GRIP1: variants seen among roughly 807,000 people sequenced by gnomAD.
GRIP1 encodes the protein glutamate receptor-interacting protein 1.
A neutral mutation model predicts 129.9 loss-of-function variants in GRIP1; 45 were observed. The observed-to-expected ratio is 0.35, with a 90% CI of 0.27 to 0.44. GRIP1 has a LOEUF of 0.44. Ranked by LOEUF, GRIP1 falls within the 20% of genes least tolerant of loss-of-function variation. The pLI is 1.00. For missense variants in GRIP1, 1,196 were observed against 1,396.8 expected (o/e 0.86, Z 2.29); for synonymous variants, 530 against 520.8 (o/e 1.02, Z -0.24).
Position 66,371,908 on chromosome 12 carries a change from C to G in GRIP1, c.2798G>C (p.Ser933Thr), listed in dbSNP as rs763063114. 42 of 1,610,470 alleles carry G rather than the reference C, an allele frequency of 2.6e-5. No homozygotes were observed. The Admixed American group carries it at 7.0e-4, about 27-fold the overall frequency. The change falls in exon 23 of 25, where the codon AGC (serine) becomes ACC (threonine). Residue 933 changes from serine to threonine, a missense_variant. By Grantham distance (58) the Ser-to-Thr change is moderately conservative. This residue lies in a region of GRIP1 where 427 missense variants were observed against 463.3 expected (regional missense o/e 0.92). Coordinates refer to ENST00000359742, the MANE Select transcript of GRIP1 (RefSeq NM_001366722.1). ...AGCCTCATGATTCAAACTCATCGTG[C>G]TCCCCGACATGATTGTTGCCTGTGG... is the stretch of plus-strand genomic sequence containing the variant. ...MTLLATIMSG[S>T]TMSLNHEAPT...
At chr12:66,922,118 TAAG>T (rs143666157) in intron 1 of GRIP1, among the ~76,000 whole-genome samples, 44,722 of 151,950 alleles carry the variant, frequency 0.29, 6,651 homozygotes, top group East Asian at 0.45. Flanking sequence ...CAACGGTTTA[TAAG>T]AAGAGCCAAC....
chr12:66,446,736 T>C (rs2058641745), intron 11 of GRIP1, among the ~76,000 whole-genome samples: 1 of 152,188 alleles, frequency 6.6e-6, no homozygotes, highest in Non-Finnish European at 1.5e-5. Context: ...GATAACCTTC[T>C]AGCAAGCTGG....
intron 7 of GRIP1, among the ~76,000 whole-genome samples, chr12:66,494,271 T>C (rs1661867900): frequency 1.3e-5 from 2 of 152,210 alleles, no homozygotes. Context: ...ATTCTACTTT[T>C]ATTTTTAAAC....
intron 1 of GRIP1, among the ~76,000 whole-genome samples, chr12:67,046,091 C>A (rs1051449359): frequency 2.0e-5 from 3 of 152,184 alleles, no homozygotes; most frequent in South Asian, 4.1e-4. Flanking sequence ...AATACAGCTG[C>A]CATTTTATTT....
intron 1 of GRIP1, among the ~76,000 whole-genome samples, chr12:66,687,487 A>T (rs1327019138): frequency 6.6e-6 from 1 of 152,092 alleles, no homozygotes; most frequent in East Asian, 1.9e-4. Flanking sequence ...AAAGTGACTG[A>T]GCACACCCCC....
chr12:66,639,698 T>C (rs2136079257), intron 1 of GRIP1, among the ~76,000 whole-genome samples: 1 of 152,330 alleles, frequency 6.6e-6, no homozygotes, highest in South Asian at 2.1e-4. Context: ...TTTTGAATCT[T>C]CTAGTTAAAA....
At chr12:66,990,140 G>A (rs929721874) in intron 1 of GRIP1, among the ~76,000 whole-genome samples, 9 of 152,162 alleles carry the variant, frequency 5.9e-5, no homozygotes, top group African/African-American at 2.2e-4. Context: ...AGAGATCTAG[G>A]GAGGTGGGAT....
At chr12:66,578,732 C>A (rs989278839) in intron 2 of GRIP1, among the ~76,000 whole-genome samples, 3 of 152,198 alleles carry the variant, frequency 2.0e-5, no homozygotes, top group African/African-American at 4.8e-5. Flanking sequence ...CCCAGGCTTG[C>A]TTAGGTAAAC....
intron 5 of GRIP1, among the ~76,000 whole-genome samples, chr12:66,529,072 G>A (rs1246185111): frequency 6.6e-6 from 1 of 152,080 alleles, no homozygotes; most frequent in Non-Finnish European, 1.5e-5. Flanking sequence ...TCAGGGAAAT[G>A]CAAATCAAAA....
At chr12:66,648,265 A>G (rs1055773121) in intron 1 of GRIP1, among the ~76,000 whole-genome samples, 1 of 152,158 alleles carries the variant, frequency 6.6e-6, no homozygotes, top group Non-Finnish European at 1.5e-5. Flanking sequence ...AATGTTTTGA[A>G]TATCATCCCG....
intron 23 of GRIP1, among the ~76,000 whole-genome samples, chr12:66,364,924 T>C (rs1485412798): frequency 6.6e-6 from 1 of 152,046 alleles, no homozygotes; most frequent in African/African-American, 2.4e-5. Flanking sequence ...TTTCCTGTGG[T>C]ATGTGTCCCT....
intron 9 of GRIP1, among the ~76,000 whole-genome samples, chr12:66,458,730 A>G (rs1592360928): frequency 6.6e-6 from 1 of 152,244 alleles, no homozygotes; most frequent in Non-Finnish European, 1.5e-5. Context: ...GCCCCTGCCT[A>G]TCTCTCTAGT....
intron 1 of GRIP1, among the ~76,000 whole-genome samples, chr12:66,989,171 A>G (rs1402411570): frequency 6.6e-6 from 1 of 152,200 alleles, no homozygotes; most frequent in African/African-American, 2.4e-5. Context: ...GGTCACAGGA[A>G]ATTTCCAACC....
At chr12:66,355,645 C>T (rs2054453930) in intron 23 of GRIP1, among the ~76,000 whole-genome samples, 1 of 152,194 alleles carries the variant, frequency 6.6e-6, no homozygotes, top group Non-Finnish European at 1.5e-5. Flanking sequence ...TGAGAGCACC[C>T]CTACCTTCCA....
In GRIP1 at chr12:66,998,724, CAAGTT is replaced by C. The variant is rs765698314; in HGVS notation, c.58+70321_58+70325del. On this transcript the variant is annotated intron_variant, in intron 1 of 1. Transcript: ENST00000643019. ...GCCCATATTCTGTCTTCTCTCCTTA[CAAGTT>C]AAGAGTCTCAACTTCTACAAACACC... 9.2e-5 allele frequency among the ~76,000 whole-genome samples: 14 copies of C among 152,264 alleles called. No individual in the cohort carries two copies. In the East Asian group the frequency reaches 2.1e-3, roughly 23 times the overall value.
At chr12:66,827,633 G>A (rs951662026) in intron 1 of GRIP1, among the ~76,000 whole-genome samples, 5 of 152,080 alleles carry the variant, frequency 3.3e-5, no homozygotes, top group Non-Finnish European at 5.9e-5. Context: ...GCCACCTTAA[G>A]AGTCTGTATG....
At chr12:67,049,829 G>A (rs1161972761) in intron 1 of GRIP1, among the ~76,000 whole-genome samples, 1 of 151,308 alleles carries the variant, frequency 6.6e-6, no homozygotes. Flanking sequence ...CTTAAACTAA[G>A]TGAAATAACA....
At chr12:66,987,613 C>A (rs2042331320) in intron 1 of GRIP1, among the ~76,000 whole-genome samples, 1 of 152,256 alleles carries the variant, frequency 6.6e-6, no homozygotes, top group East Asian at 1.9e-4. Context: ...CTTTGGAGTC[C>A]AACTGCAAGT....
At chr12:67,051,827 T>C (rs529713983) in intron 1 of GRIP1, among the ~76,000 whole-genome samples, 1 of 152,346 alleles carries the variant, frequency 6.6e-6, no homozygotes, top group African/African-American at 2.4e-5. Flanking sequence ...AGTTGAACTG[T>C]TGAAACAAAA....
Sources: allele counts gnomAD v4.1 joint callset (sites outside exome capture counted in the v4.1 genomes callset), GRCh38; gene constraint gnomAD v4.1.1; regional missense constraint gnomAD v4.1.1; transcripts MANE v1.5; gene names NCBI Gene and HGNC (gene_info 2026-07-23, HGNC 2026-07-21).